Variants in NRG1 observed in about 807,000 individuals in gnomAD.
NRG1 encodes the protein pro-neuregulin-1, membrane-bound isoform.
In NRG1, 18 loss-of-function variants were observed where a neutral mutation model predicts 63.8. The ratio of observed to expected loss-of-function variants is 0.28; its 90% CI spans 0.19 to 0.42. The LOEUF (loss-of-function observed/expected upper bound fraction) is 0.42. Ranked by LOEUF, NRG1 falls within the 10% of genes least tolerant of loss-of-function variation. NRG1 has a pLI of 1.00. For synonymous variants in NRG1, 302 were observed against 301.3 expected (o/e 1.00, Z -0.02); for missense variants, 762 against 814.7 (o/e 0.94, Z 0.79).
intron 7 of NRG1, among the ~76,000 whole-genome samples, chr8:32,753,327 A>ATC (rs1829075909): frequency 6.6e-6 from 1 of 152,186 alleles, no homozygotes; most frequent in Non-Finnish European, 1.5e-5. Flanking sequence ...TAAGAACCTG[A>ATC]CCTACCTTAG....
intron 1 of NRG1, among the ~76,000 whole-genome samples, chr8:32,507,393 G>A (rs1477828568): frequency 6.6e-6 from 1 of 152,184 alleles, no homozygotes; most frequent in South Asian, 2.1e-4. Flanking sequence ...AAGCCAGTCT[G>A]TGAATCCATT....
At chr8:32,436,237 G>T (rs1352174276) in intron 1 of NRG1, among the ~76,000 whole-genome samples, 7 of 152,134 alleles carry the variant, frequency 4.6e-5, no homozygotes, top group Non-Finnish European at 1.0e-4. Flanking sequence ...GATCTAGTGA[G>T]ACTTATTCAC....
chr8:32,023,440 G>A (rs1415080338), intron 1 of NRG1, among the ~76,000 whole-genome samples: 2 of 152,142 alleles, frequency 1.3e-5, no homozygotes, highest in African/African-American at 4.8e-5. Context: ...CTGCAAGTAA[G>A]TATGATGAAC....
At chr8:32,656,885 A>G (rs1228637033) in intron 5 of NRG1, among the ~76,000 whole-genome samples, 2 of 152,094 alleles carry the variant, frequency 1.3e-5, no homozygotes, top group African/African-American at 2.4e-5. Flanking sequence ...CATCAGAAAC[A>G]TGATAGGACA....
intron 1 of NRG1, chr8:32,026,256 C>G (rs1337931557): frequency 6.6e-6 from 1 of 151,794 alleles, no homozygotes; most frequent in Middle Eastern, 3.2e-3. Context: ...CAGTTGACTA[C>G]TACCGGTAAT....
chr8:32,527,267 G>T (rs1345512555), intron 1 of NRG1, among the ~76,000 whole-genome samples: 1 of 152,060 alleles, frequency 6.6e-6, no homozygotes, highest in Non-Finnish European at 1.5e-5. Context: ...ATTGGATAAA[G>T]AAAACGTAAT....
rs191975683 is a variant in NRG1 at position 32,593,247 on chromosome 8, G to A, written c.101-2581G>A. On this transcript the variant is annotated intron_variant, in intron 1 of 11. Coordinates refer to ENST00000356819, the Ensembl canonical transcript of NRG1. ...CCCAAGTTAAATGTAAAATCCAGAG[G>A]GGTGAAGAATTCAAACTAGTTATTT... 8.5e-5 allele frequency among the ~76,000 whole-genome samples: 13 copies of A among 152,192 alleles called. No homozygotes were observed. The East Asian group carries it at 1.5e-3, about 18-fold the overall frequency.
intron 1 of NRG1, among the ~76,000 whole-genome samples, chr8:32,081,902 C>T (rs1378564638): frequency 6.6e-6 from 1 of 152,044 alleles, no homozygotes; most frequent in Non-Finnish European, 1.5e-5. Context: ...GTTATTTTTA[C>T]CTGAGGATTG....
At chr8:32,481,313 T>C (rs1409074909) in intron 1 of NRG1, among the ~76,000 whole-genome samples, 1 of 151,958 alleles carries the variant, frequency 6.6e-6, no homozygotes, top group Non-Finnish European at 1.5e-5. Context: ...CACACCAGCC[T>C]GGGTAACCCA....
intron 1 of NRG1, among the ~76,000 whole-genome samples, chr8:32,481,768 C>T (rs146006553): frequency 6.0e-4 from 92 of 152,180 alleles, no homozygotes; most frequent in African/African-American, 2.0e-3. Flanking sequence ...GTGGACTTTC[C>T]GAAGGTGCTG....
At chr8:32,118,312 C>T (rs1488351750) in intron 1 of NRG1, among the ~76,000 whole-genome samples, 2 of 152,020 alleles carry the variant, frequency 1.3e-5, no homozygotes, top group Middle Eastern at 3.2e-3. Context: ...TGTCCCCCGA[C>T]TCGCCGCAGA....
chr8:32,763,820 G>A (rs1207291374), exon 12 of NRG1: 6 of 1,608,024 alleles, frequency 3.7e-6, no homozygotes, highest in African/African-American at 1.3e-5. Context: ...CCCCCAAATC[G>A]CCCCCTTCGG....
At chr8:31,800,910 G>A (rs1271750726) in intron 1 of NRG1, among the ~76,000 whole-genome samples, 3 of 136,598 alleles carry the variant, frequency 2.2e-5, no homozygotes, top group African/African-American at 8.2e-5. Context: ...GTGCGATCTC[G>A]GTTCACTGCA....
intron 1 of NRG1, among the ~76,000 whole-genome samples, chr8:32,539,321 C>T (rs980833940): frequency 3.9e-5 from 6 of 152,094 alleles, no homozygotes; most frequent in Non-Finnish European, 8.8e-5. Context: ...GGGGTGTGAA[C>T]TGAAACTGAC....
intron 1 of NRG1, among the ~76,000 whole-genome samples, chr8:32,304,942 G>A (rs898173817): frequency 1.3e-5 from 2 of 152,066 alleles, no homozygotes; most frequent in Non-Finnish European, 2.9e-5. Context: ...TTGAACCCAG[G>A]AGGCGGAGGT....
intron 1 of NRG1, among the ~76,000 whole-genome samples, chr8:31,670,371 C>T (rs1019440952): frequency 6.6e-6 from 1 of 152,166 alleles, no homozygotes; most frequent in African/African-American, 2.4e-5. Flanking sequence ...TTACGTTTTA[C>T]ACTCTCCCAA....
At chr8:31,777,652 C>A (rs1326240266) in intron 1 of NRG1, among the ~76,000 whole-genome samples, 1 of 152,208 alleles carries the variant, frequency 6.6e-6, no homozygotes, top group Non-Finnish European at 1.5e-5. Context: ...GCAGGCTATA[C>A]AAGAAGCGTG....
intron 1 of NRG1, among the ~76,000 whole-genome samples, chr8:31,754,342 C>T (rs773714349): frequency 5.9e-4 from 89 of 152,132 alleles, no homozygotes; most frequent in South Asian, 2.1e-4. Flanking sequence ...CTCATGATAG[C>T]GAGTGAGTTC....
At chr8:32,290,190 G>A (rs1441771618) in intron 1 of NRG1, among the ~76,000 whole-genome samples, 1 of 152,092 alleles carries the variant, frequency 6.6e-6, no homozygotes, top group Non-Finnish European at 1.5e-5. Flanking sequence ...GCAGTGAGCT[G>A]TGATCACACC....
Sources: gnomAD v4.1 joint callset for allele counts (sites outside exome capture counted in the v4.1 genomes callset) on GRCh38, gnomAD v4.1.1 for gene constraint, MANE v1.5 for transcripts, NCBI Gene and HGNC (gene_info 2026-07-23, HGNC 2026-07-21) for gene names.